SATB2: variants seen among roughly 807,000 people sequenced by gnomAD.
SATB2 encodes the protein DNA-binding protein SATB2.
SATB2 carries 1 observed loss-of-function variant against 73.4 expected under a neutral mutation model. That is an observed-to-expected ratio of 0.01 (90% confidence interval 0.00 to 0.06). The LOEUF is 0.06. Among genes scored for constraint, SATB2 ranks in the 10% least tolerant of loss-of-function variants. SATB2 has a pLI of 1.00. For synonymous variants in SATB2, 397 were observed against 367.0 expected, an observed-to-expected ratio of 1.08 and a Z score of -0.93; for missense variants, 459 against 945.8, an observed-to-expected ratio of 0.49 and a Z score of 6.75.
chr2:199,341,120 T>C (rs954336596), intron 7 of SATB2, among the ~76,000 whole-genome samples: 1 of 152,190 alleles, frequency 6.6e-6, no homozygotes, highest in African/African-American at 2.4e-5. Context: ...TGATTAATTT[T>C]TTAAAGTCCA....
At chr2:199,292,986 A>G (rs956276729) in intron 10 of SATB2, among the ~76,000 whole-genome samples, 2 of 152,174 alleles carry the variant, frequency 1.3e-5, no homozygotes, top group Non-Finnish European at 2.9e-5. Context: ...ATTAGATATG[A>G]TTTTATTTAT....
intron 2 of SATB2, among the ~76,000 whole-genome samples, chr2:199,434,840 C>A (rs750981891): frequency 6.6e-6 from 1 of 152,130 alleles, no homozygotes; most frequent in Non-Finnish European, 1.5e-5. Context: ...GGAGCAGATA[C>A]TCTGCAAACT....
At chr2:199,465,049 T>C (rs762772559) in exon 1 of SATB2, 3 of 152,224 alleles carry the variant, frequency 2.0e-5, no homozygotes, top group Non-Finnish European at 4.4e-5. Flanking sequence ...AGCCTAGTAA[T>C]TGGGTTTGTT....
chr2:199,275,366 A>T (rs1026225504), intron 10 of SATB2, among the ~76,000 whole-genome samples: 1 of 152,194 alleles, frequency 6.6e-6, no homozygotes, highest in Non-Finnish European at 1.5e-5. Context: ...CATGAAACAG[A>T]GAAAGAACAG....
rs746255422 is a variant in SATB2 at position 199,309,009 on chromosome 2, A to AG, written c.1543-53dup. ...TAACCTGCAGAGTGTAGAGGAGCTG[A>AG]GGGGGCCTTGACTGCGGTCCAGTGC... On this transcript the variant is annotated intron_variant, in intron 9 of 10. Transcript: ENST00000417098. 9.4e-6 allele frequency: 14 copies of AG among 1,485,320 alleles called. No homozygotes were observed. In the African/African-American group the frequency reaches 1.1e-4, roughly 12 times the overall value. 92.0% of individuals were successfully genotyped at this position (1,485,320 alleles called of 1,614,324 possible). A position where few individuals can be genotyped will look rare whatever the true frequency, so the allele number is the denominator to read the frequency against.
In SATB2 at chr2:199,395,037, A is replaced by G. The variant is rs187621028; in HGVS notation, c.347-13217T>C. Among the ~76,000 whole-genome samples, 18 of 152,122 alleles carry G rather than the reference A, an allele frequency of 1.2e-4. 1 individual carries two copies. The highest frequency in any genetic ancestry group is 1.2e-3 in the Admixed American group (18 of 15,282). ...ACATTCTATAATACATGGGGAGAAAAGCATGAAAATATTCACTAGGATAAG... is the reference window on the plus strand; with the variant it reads ...ACATTCTATAATACATGGGGAGAAAGGCATGAAAATATTCACTAGGATAAG... On this transcript the variant is annotated intron_variant, in intron 3 of 10. Coordinates refer to ENST00000417098, the MANE Select transcript of SATB2 (RefSeq NM_001172509.2).
chr2:199,315,798 G>A (rs1687717265), intron 9 of SATB2, among the ~76,000 whole-genome samples: 1 of 152,048 alleles, frequency 6.6e-6, no homozygotes, highest in African/African-American at 2.4e-5. Context: ...GCTCCTTGAA[G>A]GCAGGGCCTT....
At chr2:199,447,053 C>T (rs915174852) in intron 2 of SATB2, among the ~76,000 whole-genome samples, 1 of 152,128 alleles carries the variant, frequency 6.6e-6, no homozygotes, top group Non-Finnish European at 1.5e-5. Flanking sequence ...CCCGAGTTAT[C>T]CCCACCTCAG....
intron 2 of SATB2, among the ~76,000 whole-genome samples, chr2:199,453,674 C>T (rs1466970669): frequency 6.6e-6 from 1 of 152,014 alleles, no homozygotes; most frequent in Non-Finnish European, 1.5e-5. Context: ...AACATCTTAA[C>T]ATACATTTGG....
intron 3 of SATB2, among the ~76,000 whole-genome samples, chr2:199,432,008 G>C (rs774775958): frequency 2.6e-5 from 4 of 152,154 alleles, no homozygotes; most frequent in Non-Finnish European, 4.4e-5. Context: ...ATTTGCTCAG[G>C]ATCAAATCGT....
chr2:199,383,656 T>C (rs566659351), intron 3 of SATB2, among the ~76,000 whole-genome samples: 2 of 152,272 alleles, frequency 1.3e-5, no homozygotes, highest in East Asian at 1.9e-4. Context: ...TTGTGGGTCA[T>C]TTTGGTTACT....
At chr2:199,412,141 T>C (rs1279150604) in intron 3 of SATB2, among the ~76,000 whole-genome samples, 1 of 152,130 alleles carries the variant, frequency 6.6e-6, no homozygotes, top group Non-Finnish European at 1.5e-5. Context: ...AAAAGCACTG[T>C]TGACTGGGGA....
At chr2:199,430,288 C>T (rs1691462934) in intron 3 of SATB2, among the ~76,000 whole-genome samples, 1 of 152,202 alleles carries the variant, frequency 6.6e-6, no homozygotes, top group South Asian at 2.1e-4. Flanking sequence ...TAACATGCCT[C>T]TTTCAAAAGA....
chr2:199,328,315 C>A (rs761881550), intron 8 of SATB2, among the ~76,000 whole-genome samples: 2 of 152,096 alleles, frequency 1.3e-5, no homozygotes, highest in African/African-American at 2.4e-5. Flanking sequence ...CCAAGGCAAG[C>A]GGATCACCTG....
intron 7 of SATB2, among the ~76,000 whole-genome samples, chr2:199,334,033 T>G (rs533846444): frequency 5.3e-5 from 8 of 152,238 alleles, no homozygotes; most frequent in Non-Finnish European, 1.0e-4. Flanking sequence ...GCTCATCTAT[T>G]TACTAAAACA....
At chr2:199,281,876 C>G (rs960865377) in intron 10 of SATB2, among the ~76,000 whole-genome samples, 9 of 133,164 alleles carry the variant, frequency 6.8e-5, no homozygotes, top group Non-Finnish European at 1.4e-4. Context: ...ATTCCATATT[C>G]TCTCTCTTTT....
At chr2:199,440,087 C>T (rs78506129) in intron 2 of SATB2, among the ~76,000 whole-genome samples, 21,805 of 152,038 alleles carry the variant, frequency 0.14, 1,770 homozygotes, top group South Asian at 0.34. Context: ...GCCTGGGCAA[C>T]AGAAAGAGAC....
At chr2:199,368,804 T>C (rs977309432) in intron 5 of SATB2, 97 bp from the exon 6 acceptor site, 1 of 692,700 alleles carries the variant, frequency 1.4e-6, no homozygotes, top group South Asian at 1.7e-5. Flanking sequence ...CTCTTTTTTC[T>C]TTTAAACTTA....
rs1356036761 is a variant in SATB2, at chr2:199,272,044, A to T, written c.*167T>A. The T allele has an allele frequency of 1.0e-5, 7 of 694,304 alleles. No homozygotes were observed. The highest frequency in any genetic ancestry group is 1.3e-5 in the Non-Finnish European group (5 of 396,370). 43.0% of individuals were successfully genotyped at this position (694,304 alleles called of 1,614,324 possible). A position where few individuals can be genotyped will look rare whatever the true frequency, so the allele number is the denominator to read the frequency against. ...TCTATAGGTGTATCCTGTGCAACAA[A>T]GAAATGTCCAAAAGGGTAAGAAAAA... On this transcript the variant is annotated 3_prime_UTR_variant, in exon 11 of 11. Coordinates refer to ENST00000417098, the MANE Select transcript of SATB2 (RefSeq NM_001172509.2). The surrounding 1 kb of genome is among the most constrained non-coding windows in gnomAD (Gnocchi z 6.7).
Sources: allele counts gnomAD v4.1 joint callset (sites outside exome capture counted in the v4.1 genomes callset), GRCh38; gene constraint gnomAD v4.1.1; non-coding constraint Gnocchi (gnomAD v3.1); transcripts MANE v1.5; gene names NCBI Gene and HGNC (gene_info 2026-07-23, HGNC 2026-07-21).